Variants in ATP6V0E1 observed in about 807,000 individuals in gnomAD.
ATP6V0E1 encodes ATPase H+ transporting V0 subunit e1.
A neutral mutation model predicts 11.6 loss-of-function variants in ATP6V0E1; 4 were observed. The ratio of observed to expected loss-of-function variants is 0.35; its 90% confidence interval spans 0.17 to 0.79. The LOEUF (loss-of-function observed/expected upper bound fraction) is 0.79. Ranked by LOEUF, ATP6V0E1 falls within the 30% of genes least tolerant of loss-of-function variation. The probability of loss-of-function intolerance (pLI) is 0.54; values close to 1 mark genes in which losing one functional copy is unlikely to be tolerated. For missense variants in ATP6V0E1, 105 were observed against 100.0 expected (o/e 1.05, Z -0.21); for synonymous variants, 36 against 34.8 (o/e 1.04, Z -0.13).
At chr5:173,028,424 C>T (rs557933590) in intron 3 of ATP6V0E1, among the ~76,000 whole-genome samples, 1 of 152,254 alleles carries the variant, frequency 6.6e-6, no homozygotes, top group East Asian at 1.9e-4. Context: ...TTGGGTCTGA[C>T]CTCACCTGAT....
At chr5:173,031,652 A>G (rs1445034900) in intron 3 of ATP6V0E1, among the ~76,000 whole-genome samples, 1 of 151,386 alleles carries the variant, frequency 6.6e-6, no homozygotes, top group Non-Finnish European at 1.5e-5. Flanking sequence ...CTCCGTCTCT[A>G]CTAAAAAATA....
intron 2 of ATP6V0E1, among the ~76,000 whole-genome samples, chr5:173,011,764 C>T (rs1028888618): frequency 7.9e-5 from 12 of 152,156 alleles, no homozygotes; most frequent in Admixed American, 2.6e-4. Context: ...TGAAGACATG[C>T]GGTACAGTTC....
intron 1 of ATP6V0E1, among the ~76,000 whole-genome samples, chr5:172,993,420 C>T (rs1383026694): frequency 2.0e-5 from 3 of 151,966 alleles, no homozygotes; most frequent in Non-Finnish European, 4.4e-5. Context: ...GCAGGAGAAT[C>T]GCTTGAACCT....
In ATP6V0E1 at chr5:173,003,707, C is replaced by A. The variant is rs554912776; in HGVS notation, c.152+8885C>A. Reference sequence around the variant, plus strand: ...TAGATGTAGGAAGAATCAGAGATGGCTCCCAGTTCTAGGTTGGGCCATTTA... The same window carrying A: ...TAGATGTAGGAAGAATCAGAGATGGATCCCAGTTCTAGGTTGGGCCATTTA... On this transcript the variant is annotated intron_variant, in intron 2 of 3. Coordinates refer to ENST00000519374, the MANE Select transcript of ATP6V0E1 (RefSeq NM_003945.4). Among the ~76,000 whole-genome samples, 25 of 152,318 alleles carry A rather than the reference C, an allele frequency of 1.6e-4. No homozygotes were observed. In the South Asian group the frequency reaches 5.2e-3, roughly 32 times the overall value.
intron 2 of ATP6V0E1, among the ~76,000 whole-genome samples, chr5:173,017,192 G>A (rs1756412503): frequency 6.6e-6 from 1 of 152,192 alleles, no homozygotes. Context: ...TTAAAGTCCT[G>A]AAAGCGTGAA....
chr5:173,010,190 G>C (rs961197476), intron 2 of ATP6V0E1, among the ~76,000 whole-genome samples: 2 of 152,186 alleles, frequency 1.3e-5, no homozygotes, highest in Non-Finnish European at 2.9e-5. Context: ...CGGGAGAATT[G>C]AAATCTGCCT....
At chr5:172,993,926 C>T (rs1225614607) in intron 1 of ATP6V0E1, among the ~76,000 whole-genome samples, 3 of 152,058 alleles carry the variant, frequency 2.0e-5, no homozygotes, top group Non-Finnish European at 1.5e-5. Context: ...TCTTGCTCTT[C>T]TTAGGGCGTG....
intron 1 of ATP6V0E1, among the ~76,000 whole-genome samples, chr5:172,987,411 G>A (rs1755913362): frequency 6.6e-6 from 1 of 151,628 alleles, no homozygotes; most frequent in African/African-American, 2.4e-5. Context: ...AGCCCCCTGA[G>A]TAGTTGGGAT....
intron 2 of ATP6V0E1, among the ~76,000 whole-genome samples, chr5:173,013,993 A>C (rs1343268197): frequency 6.6e-6 from 1 of 152,014 alleles, no homozygotes; most frequent in Admixed American, 6.6e-5. Context: ...GTGGAACCCC[A>C]TCTCCACTAA....
At chr5:173,033,383 T>C (rs1274115957) in intron 3 of ATP6V0E1, among the ~76,000 whole-genome samples, 3 of 152,134 alleles carry the variant, frequency 2.0e-5, no homozygotes, top group Non-Finnish European at 4.4e-5. Flanking sequence ...ATCTGCCTGG[T>C]ACTGATACTT....
At chr5:172,992,950 A>C (rs1251572300) in intron 1 of ATP6V0E1, among the ~76,000 whole-genome samples, 1 of 151,992 alleles carries the variant, frequency 6.6e-6, no homozygotes, top group East Asian at 2.0e-4. Flanking sequence ...GGCGAGCACC[A>C]CCACGCCCAG....
At position 172,997,637 on chromosome 5, in the gene ATP6V0E1, G is replaced by A. The variant is rs900202324; in HGVS notation, c.152+2815G>A. Among the ~76,000 whole-genome samples, 16 of 151,164 alleles carry A rather than the reference G, an allele frequency of 1.1e-4. No individual in the cohort carries two copies. The South Asian group carries it at 1.9e-3, about 18-fold the overall frequency. On this transcript the variant is annotated intron_variant, in intron 2 of 3. Coordinates refer to ENST00000519374, the MANE Select transcript of ATP6V0E1 (RefSeq NM_003945.4). ...ATCCTGGCTAACACAGTGAAACCCC[G>A]TCTCTACTAAAAATACAAAAAAAAA...
intron 1 of ATP6V0E1, among the ~76,000 whole-genome samples, chr5:172,985,707 A>T (rs1755886655): frequency 6.6e-6 from 1 of 152,132 alleles, no homozygotes; most frequent in Admixed American, 6.5e-5. Context: ...CTTCCTTGGG[A>T]TGTCATTGCC....
At chr5:173,012,709 G>T (rs147083152) in intron 2 of ATP6V0E1, among the ~76,000 whole-genome samples, 3 of 151,152 alleles carry the variant, frequency 2.0e-5, no homozygotes, top group Non-Finnish European at 4.4e-5. Context: ...AGCTGAGATC[G>T]CGTGCCATTC....
At chr5:172,986,553 A>G (rs1755900514) in intron 1 of ATP6V0E1, 3 of 263,286 alleles carry the variant, frequency 1.1e-5, no homozygotes, top group Non-Finnish European at 2.3e-5. Flanking sequence ...GTTTGAGACC[A>G]GGAGTTCCAG....
At chr5:172,992,004 T>TTCTG (rs58482928) in intron 1 of ATP6V0E1, among the ~76,000 whole-genome samples, 67,013 of 150,842 alleles carry the variant, frequency 0.44, 16,915 homozygotes, top group East Asian at 0.8. Flanking sequence ...TCTTTCTTCT[T>TTCTG]TCTGTCTGTC....
At chr5:173,011,423 A>G (rs1022094481) in intron 2 of ATP6V0E1, among the ~76,000 whole-genome samples, 2 of 152,064 alleles carry the variant, frequency 1.3e-5, no homozygotes, top group African/African-American at 4.8e-5. Flanking sequence ...GGCTCAAGCA[A>G]TCCACCTGCC....
chr5:172,989,483 CCTT>C (rs1210104436), intron 1 of ATP6V0E1, among the ~76,000 whole-genome samples: 6 of 152,240 alleles, frequency 3.9e-5, no homozygotes, highest in African/African-American at 1.2e-4. Flanking sequence ...TGTTTCTCTC[CCTT>C]CTTTCCTCCT....
chr5:172,999,518 C>A (rs2113588303), intron 2 of ATP6V0E1, among the ~76,000 whole-genome samples: 1 of 152,262 alleles, frequency 6.6e-6, no homozygotes, highest in East Asian at 1.9e-4. Context: ...AGATGAGGTC[C>A]TGCTATGTTT....
Sources: allele counts gnomAD v4.1 joint callset (sites outside exome capture counted in the v4.1 genomes callset), GRCh38; gene constraint gnomAD v4.1.1; transcripts MANE v1.5; gene names NCBI Gene and HGNC (gene_info 2026-07-23, HGNC 2026-07-21).